The following VPS13D variants were observed in gnomAD, a reference collection of about 807,000 sequenced individuals.
VPS13D encodes intermembrane lipid transfer protein VPS13D.
In VPS13D, 187 loss-of-function variants were observed where a neutral mutation model predicts 461.9. The observed-to-expected ratio is 0.40, with a 90% CI of 0.36 to 0.46. The LOEUF (loss-of-function observed/expected upper bound fraction) is 0.46, where lower values mean the gene tolerates loss of function less well. VPS13D is among the 20% of genes least tolerant of loss of function. VPS13D has a pLI of 0.60. For missense variants in VPS13D, 4,711 were observed against 5,364.9 expected (o/e 0.88, Z 3.81); for synonymous variants, 1,951 against 1,986.3 (o/e 0.98, Z 0.47).
chr1:12,350,073 G>C (rs973418674), intron 46 of VPS13D, among the ~76,000 whole-genome samples: 1 of 152,072 alleles, frequency 6.6e-6, no homozygotes, highest in African/African-American at 2.4e-5. Context: ...ACAGACTAAA[G>C]GAAGAAATAC....
Position 12,267,819 on chromosome 1 carries a change from C to T in VPS13D, c.1726-26C>T, listed in dbSNP as rs769085862. Reference sequence around the variant, plus strand: ...TTGTCCCCTCTCACGCTGACGTTTACGCATTTTTGTGTGTTTGTTTAATAG... The same window carrying T: ...TTGTCCCCTCTCACGCTGACGTTTATGCATTTTTGTGTGTTTGTTTAATAG... On this transcript the variant is annotated intron_variant, in intron 14 of 69. Coordinates refer to ENST00000620676, the MANE Select transcript of VPS13D (RefSeq NM_015378.4). 69 of 1,610,622 alleles carry T rather than the reference C, an allele frequency of 4.3e-5. No homozygotes were observed. In the East Asian group the frequency reaches 6.2e-4, roughly 15 times the overall value.
chr1:12,275,269 G>A (rs1641575162), intron 18 of VPS13D, among the ~76,000 whole-genome samples: 1 of 151,526 alleles, frequency 6.6e-6, no homozygotes, highest in Non-Finnish European at 1.5e-5. Flanking sequence ...CAAAAAATTA[G>A]CCGGGCATGG....
intron 5 of VPS13D, among the ~76,000 whole-genome samples, chr1:12,247,936 G>A (rs1369038502): frequency 2.0e-5 from 3 of 150,382 alleles, no homozygotes; most frequent in Non-Finnish European, 4.4e-5. Context: ...AGGCTGGAGT[G>A]CAGTGCAGTG....
intron 65 of VPS13D, among the ~76,000 whole-genome samples, chr1:12,425,290 AC>A (rs1438803133): frequency 2.6e-5 from 4 of 152,118 alleles, no homozygotes; most frequent in Non-Finnish European, 4.4e-5. Context: ...GGGCATGGTG[AC>A]TGACACCTGT....
intron 63 of VPS13D, among the ~76,000 whole-genome samples, chr1:12,411,705 T>G (rs982969883): frequency 6.6e-6 from 1 of 152,232 alleles, no homozygotes; most frequent in Non-Finnish European, 1.5e-5. Flanking sequence ...GCTGGGTGTT[T>G]CTTCTGCTGG....
chr1:12,378,794 G>A (rs988854918), intron 56 of VPS13D, among the ~76,000 whole-genome samples: 1 of 152,284 alleles, frequency 6.6e-6, no homozygotes, highest in Non-Finnish European at 1.5e-5. Flanking sequence ...CCATGCAGAT[G>A]TTAAGAAACT....
rs758644028 is a variant in VPS13D, at chr1:12,277,826, G to A, written c.4238G>A (p.Gly1413Glu). 2 of 1,614,084 alleles carry A rather than the reference G, an allele frequency of 1.2e-6. No individual in the cohort carries two copies. Among genetic ancestry groups the A allele is most frequent in the Middle Eastern group, 1.6e-4 (1 of 6,062 alleles). Reference sequence around the variant, plus strand: ...ATATTCATCCAGAATTTTGTGGCGGGAGATGATGAATCCAGAAGTGACCGT... The same window carrying A: ...ATATTCATCCAGAATTTTGTGGCGGAAGATGATGAATCCAGAAGTGACCGT... Reference protein sequence around the residue: ...GQIFIQNFVAGDDESRSDRLQ... With the variant: ...GQIFIQNFVAEDDESRSDRLQ... Residue 1413 changes from glycine to glutamate, a missense_variant, in exon 19 of 70, where the codon GGA (glycine) becomes GAA (glutamate). This residue lies in a region of VPS13D where 4,411 missense variants were observed against 4,937.8 expected (regional missense o/e 0.89). Transcript: ENST00000620676.
In VPS13D at chr1:12,416,707, T is replaced by C; in HGVS notation, c.12213T>C (p.Leu4071=). The change falls in exon 65 of 70, where the codon CTT becomes CTC. Residue 4071 remains leucine (L), a synonymous_variant. Coordinates refer to ENST00000620676, the MANE Select transcript of VPS13D (RefSeq NM_015378.4). ...AARILGSVDF[L]GNPMGLLNDV... ...GAATCCTGGGATCAGTGGATTTTCT[T>C]GGCAATCCTATGGGGCTTTTGAATG... 1 of 1,614,092 alleles carries C rather than the reference T, an allele frequency of 6.2e-7. No individual in the cohort carries two copies. The highest frequency in any genetic ancestry group is 1.1e-5 in the South Asian group (1 of 91,064).
chr1:12,479,958 G>C (rs1284281329), intron 67 of VPS13D, among the ~76,000 whole-genome samples: 2 of 152,140 alleles, frequency 1.3e-5, no homozygotes, highest in Non-Finnish European at 2.9e-5. Flanking sequence ...TACTATAGCT[G>C]GGAAGCTTGG....
In VPS13D at chr1:12,385,302, G is replaced by A. The variant is rs370075484; in HGVS notation, c.11413G>A (p.Val3805Met). The A allele has an allele frequency of 1.9e-5, 31 of 1,613,914 alleles. No individual in the cohort carries two copies. The highest frequency in any genetic ancestry group is 2.5e-5 in the Non-Finnish European group (30 of 1,179,934). ...CCGGAAAAGCAGCCGTTCATATGAAGTGGATGAACTTCCTGTCACCGAACA... is the reference window on the plus strand; with the variant it reads ...CCGGAAAAGCAGCCGTTCATATGAAATGGATGAACTTCCTGTCACCGAACA... ...CHRKSSRSYE[V>M]DELPVTEQEL... Residue 3805 changes from valine (V) to methionine (M), a missense_variant, in exon 59 of 70, where the codon GTG becomes ATG. By Grantham distance (21) the Val-to-Met change is conservative. Around this residue, in one of 3 missense-constraint regions of VPS13D, gnomAD observed 4,411 missense variants for 4,937.8 expected, o/e 0.89. Transcript: ENST00000620676.
At chr1:12,338,094 G>GA (rs1643488788) in intron 39 of VPS13D, 137 bp from the exon 40 acceptor site, 1 of 716,784 alleles carries the variant, frequency 1.4e-6, no homozygotes, top group Admixed American at 2.2e-5. Context: ...AGTAATCACT[G>GA]ATGGGAATGA....
chr1:12,330,213 C>G (rs944832965), intron 37 of VPS13D, among the ~76,000 whole-genome samples: 2 of 152,022 alleles, frequency 1.3e-5, no homozygotes, highest in Non-Finnish European at 2.9e-5. Context: ...GTCAGGAGTT[C>G]GAGACCAGCC....
intron 6 of VPS13D, 60 bp from the exon 7 acceptor site, chr1:12,253,662 G>A (rs1640814696): frequency 7.7e-7 from 1 of 1,306,814 alleles, no homozygotes; most frequent in East Asian, 2.3e-5. Context: ...TTTGTTGAAT[G>A]AATGACATTC....
rs373257786 is a variant in VPS13D, at chr1:12,417,737, G to T, written c.12333+910G>T. On this transcript the variant is annotated intron_variant, in intron 65 of 69. Transcript: ENST00000620676. ...TCGAGTTGAATAGCATTTCTCTGTGGTATGGTGTTCTCGTTAATAATGTGT... is the reference window on the plus strand; with the variant it reads ...TCGAGTTGAATAGCATTTCTCTGTGTTATGGTGTTCTCGTTAATAATGTGT... Among the ~76,000 whole-genome samples, 12 of 152,250 alleles carry T rather than the reference G, an allele frequency of 7.9e-5. 1 individual carries two copies. In the East Asian group the frequency reaches 1.9e-3, roughly 25 times the overall value.
intron 65 of VPS13D, among the ~76,000 whole-genome samples, chr1:12,429,357 A>T (rs1295178903): frequency 6.7e-6 from 1 of 150,244 alleles, no homozygotes; most frequent in Non-Finnish European, 1.5e-5. Flanking sequence ...CAGTGGTGTG[A>T]TTTCAGCCCA....
chr1:12,242,953 C>CTTTTTTTTTTTTTTTTT, intron 3 of VPS13D, among the ~76,000 whole-genome samples: 1 of 150,116 alleles, frequency 6.7e-6, no homozygotes, highest in African/African-American at 2.5e-5. Flanking sequence ...TTTTTCTTTT[C>CTTTTTTTTTTTTTTTTT]TTTTCTTTTT....
chr1:12,244,902 G>A lies in VPS13D; in HGVS notation c.447+285G>A, dbSNP rs552052421. ...TCCCGCACTTTCTTTTTGAATGTTG[G>A]AATCCCACTTGCTCAAGGATTTATG... On this transcript the variant is annotated intron_variant, in intron 5 of 69. Transcript: ENST00000620676. 1.4e-4 allele frequency among the ~76,000 whole-genome samples: 21 copies of A among 152,222 alleles called. No homozygotes were observed. The South Asian group carries it at 2.5e-3, about 18-fold the overall frequency.
At chr1:12,393,991 G>C (rs1016558572) in intron 60 of VPS13D, among the ~76,000 whole-genome samples, 1 of 152,186 alleles carries the variant, frequency 6.6e-6, no homozygotes, top group Non-Finnish European at 1.5e-5. Context: ...ATCAACGTCA[G>C]CTCAGAGCCA....
rs956045945 is a variant in VPS13D at position 12,279,166 on chromosome 1, G to A, written c.4451-333G>A. The stretch of plus-strand genomic sequence containing the variant: ...GGATGAATAATTCGGTTTGGAAAAT[G>A]CCAGCTTGGGTGGCTCAGAGAAGCA... On this transcript the variant is annotated intron_variant, in intron 19 of 69. Coordinates refer to ENST00000620676, the MANE Select transcript of VPS13D (RefSeq NM_015378.4). The surrounding 1 kb of genome is among the most constrained non-coding windows in gnomAD (Gnocchi z 4.3). 4.6e-5 allele frequency among the ~76,000 whole-genome samples: 7 copies of A among 152,320 alleles called. No individual in the cohort carries two copies. Among genetic ancestry groups the A allele is most frequent in the South Asian group, 2.1e-4 (1 of 4,824 alleles).
Sources: gnomAD v4.1 joint callset for allele counts (sites outside exome capture counted in the v4.1 genomes callset) on GRCh38, gnomAD v4.1.1 for gene constraint, gnomAD v4.1.1 regional missense constraint, Gnocchi (gnomAD v3.1) non-coding constraint, MANE v1.5 for transcripts, NCBI Gene and HGNC (gene_info 2026-07-23, HGNC 2026-07-21) for gene names.